Variants in DONSON observed in about 807,000 individuals in gnomAD.
The protein encoded by DONSON is DNA replication fork stabilization factor DONSON.
Under a neutral mutation model 62.1 loss-of-function variants are expected in DONSON, and 43 were observed. That is an observed-to-expected ratio of 0.69 (90% CI 0.54 to 0.89). The LOEUF (loss-of-function observed/expected upper bound fraction) is 0.89, where lower values mean the gene tolerates loss of function less well. Among genes scored for constraint, DONSON ranks in the 40% least tolerant of loss-of-function variants. The pLI, the probability that DONSON is intolerant of heterozygous loss-of-function variation, is 0.00. For synonymous variants in DONSON, 266 were observed against 264.6 expected (o/e 1.01, Z -0.05); for missense variants, 696 against 697.5 (o/e 1.00, Z 0.03).
intron 7 of DONSON, 75 bp downstream of exon 7, chr21:33,581,876 A>C (rs1601313560): frequency 2.3e-6 from 3 of 1,295,430 alleles, no homozygotes; most frequent in Non-Finnish European, 3.3e-6. Flanking sequence ...AATCATATAA[A>C]ACTGCCAATG....
intron 8 of DONSON, among the ~76,000 whole-genome samples, chr21:33,580,512 A>T (rs1270919547): frequency 8.4e-6 from 1 of 119,204 alleles, no homozygotes; most frequent in East Asian, 2.8e-4. Flanking sequence ...AAAGCAGGGC[A>T]TGGCAGTCCT....
rs2145897200 is a variant in DONSON at position 33,578,445 on chromosome 21, C to T, written c.1564-1G>A. 1 of 1,612,860 alleles carries T rather than the reference C, an allele frequency of 6.2e-7. No homozygotes were observed. Among genetic ancestry groups the T allele is most frequent in the Non-Finnish European group, 8.5e-7 (1 of 1,179,384 alleles). On this transcript the variant is annotated splice_acceptor_variant, in intron 9 of 9. Coordinates refer to ENST00000303071, the MANE Select transcript of DONSON (RefSeq NM_017613.4). LOFTEE classifies it high-confidence loss of function. Reference sequence around the variant, plus strand: ...TAGTAAGCTCCTTATGAACAACCTCCTGTGGAAATGTGTGTACAAGTCAGT... The same window carrying T: ...TAGTAAGCTCCTTATGAACAACCTCTTGTGGAAATGTGTGTACAAGTCAGT...
rs2015314 is a variant in DONSON, at chr21:33,588,537, C to T, written c.105G>A (p.Pro35=). 2.4e-6 allele frequency: 3 copies of T among 1,251,808 alleles called. No individual in the cohort carries two copies. Among genetic ancestry groups the T allele is most frequent in the South Asian group, 3.1e-5 (1 of 32,296 alleles). 77.5% of individuals were successfully genotyped at this position (1,251,808 alleles called of 1,614,324 possible). Residue 35 remains proline, a synonymous_variant, in exon 1 of 10, where the codon CCG becomes CCA. Coordinates refer to ENST00000303071, the MANE Select transcript of DONSON (RefSeq NM_017613.4). Reference sequence around the variant, plus strand: ...CCGCCGGCTCCGTCAGCTCACGGGGCGGGGAGGCGGCAGCTCCACGGCTCC... The same window carrying T: ...CCGCCGGCTCCGTCAGCTCACGGGGTGGGGAGGCGGCAGCTCCACGGCTCC... ...RARSRGAAAS[P]PRELTEPAAR... is the part of the protein sequence containing the mutation.
intron 2 of DONSON, 87 bp downstream of exon 2, chr21:33,587,435 A>G: frequency 6.9e-7 from 1 of 1,455,852 alleles, no homozygotes. Flanking sequence ...TCTGAGAAGT[A>G]TAAATGTATT....
At position 33,583,561 on chromosome 21, in the gene DONSON, T is replaced by TCAGCCTATATACCGCCATCTTCAGCAA; in HGVS notation, c.890_891insTTGCTGAAGATGGCGGTATATAGGCTG (p.Leu297delinsPheCysTer). ...GAGCTGTGATTAAGTCACTTCCAGC[T>TCAGCCTATATACCGCCATCTTCAGCAA]AATCCTGCTGCTCGGAACAGGACAG... On this transcript the variant is annotated stop_gained and protein_altering_variant, in exon 5 of 10. Transcript: ENST00000303071. LOFTEE classifies it high-confidence loss of function. 2 of 1,614,080 alleles carry TCAGCCTATATACCGCCATCTTCAGCAA rather than the reference T, an allele frequency of 1.2e-6. No individual in the cohort carries two copies. Among genetic ancestry groups the TCAGCCTATATACCGCCATCTTCAGCAA allele is most frequent in the Non-Finnish European group, 1.7e-6 (2 of 1,179,988 alleles).
At chr21:33,581,216 T>C (rs2086506433) in intron 8 of DONSON, 86 bp downstream of exon 8, 1 of 1,296,872 alleles carries the variant, frequency 7.7e-7, no homozygotes, top group Non-Finnish European at 1.0e-6. Context: ...CAAGTAAAAA[T>C]GCTAGGAGGT....
chr21:33,578,916 C>G (rs71326957), intron 9 of DONSON, among the ~76,000 whole-genome samples: 7,852 of 152,216 alleles, frequency 0.052, 267 homozygotes, highest in Non-Finnish European at 0.075. Flanking sequence ...GTGGGCAGAT[C>G]ACCTGAAGTC....
Position 33,578,194 on chromosome 21 carries a change from G to T in DONSON, c.*113C>A. 1 of 1,197,144 alleles carries T rather than the reference G, an allele frequency of 8.4e-7. No individual in the cohort carries two copies. Among genetic ancestry groups the T allele is most frequent in the Non-Finnish European group, 1.2e-6 (1 of 863,358 alleles). The allele number at this position is 1,197,144 out of a possible 1,614,324, so 74.2% of individuals were successfully genotyped here. A position where few individuals can be genotyped will look rare whatever the true frequency, so the allele number is the denominator to read the frequency against. On this transcript the variant is annotated 3_prime_UTR_variant, in exon 10 of 10. Transcript: ENST00000303071. ...ATTTAAAACCTTAGATGCTACTGTA[G>T]TAAAAGTTATGTTTATAAACATTTC... is the stretch of plus-strand genomic sequence containing the variant.
chr21:33,583,536 G>C lies in DONSON; in HGVS notation c.916C>G (p.Leu306Val), dbSNP rs756425637. Residue 306 changes from leucine to valine, a missense_variant, in exon 5 of 10, where the codon CTC (leucine) becomes GTC (valine). Leu to Val is a conservative substitution (Grantham distance 32). Transcript: ENST00000303071. ...GLAGSDLITA[L>V]ISPTTRGLRE... is the part of the protein sequence containing the mutation. Reference sequence around the variant, plus strand: ...AAACCTCGAGTTGTTGGAGATATGAGAGCTGTGATTAAGTCACTTCCAGCT... The same window carrying C: ...AAACCTCGAGTTGTTGGAGATATGACAGCTGTGATTAAGTCACTTCCAGCT... 2.5e-6 allele frequency: 4 copies of C among 1,613,808 alleles called. No homozygotes were observed. The highest frequency in any genetic ancestry group is 2.5e-6 in the Non-Finnish European group (3 of 1,179,968).
rs1569073070 is a variant in DONSON, at chr21:33,577,668, CA to C, written c.*638del. 86 of 102,200 alleles carry C rather than the reference CA, an allele frequency of 8.4e-4. 2 individuals are homozygous for C. The highest frequency in any genetic ancestry group is 5.7e-3 in the Middle Eastern group (1 of 176). 6.3% of individuals were successfully genotyped at this position (102,200 alleles called of 1,614,324 possible). A position where few individuals can be genotyped will look rare whatever the true frequency, so the allele number is the denominator to read the frequency against. The stretch of plus-strand genomic sequence containing the variant: ...ACACACACACACACACACACACACA[CA>C]CACACACACACACACACACACACAC... On this transcript the variant is annotated 3_prime_UTR_variant, in exon 10 of 10. Transcript: ENST00000303071.
chr21:33,586,272 G>C (rs2086576593), intron 2 of DONSON, 91 bp from the exon 3 acceptor site: 1 of 1,046,310 alleles, frequency 9.6e-7, no homozygotes. Flanking sequence ...TCACTGAAAA[G>C]TAAAAATCAT....
intron 1 of DONSON, among the ~76,000 whole-genome samples, chr21:33,587,941 G>A (rs935463131): frequency 1.3e-5 from 2 of 152,230 alleles, no homozygotes; most frequent in Non-Finnish European, 2.9e-5. Context: ...AATCACGGGG[G>A]AAGCAGGGCT....
intron 1 of DONSON, among the ~76,000 whole-genome samples, chr21:33,587,849 C>G (rs527652312): frequency 6.6e-6 from 1 of 152,290 alleles, no homozygotes; most frequent in South Asian, 2.1e-4. Flanking sequence ...AAGACAGATG[C>G]TAGTGAATTC....
In DONSON at chr21:33,577,642, CA is replaced by C. The variant is rs2086438292; in HGVS notation, c.*664del. The stretch of plus-strand genomic sequence containing the variant: ...ACACACACACACACACACACACACA[CA>C]CACACACACACACACACACACACAC... On this transcript the variant is annotated 3_prime_UTR_variant, in exon 10 of 10. Transcript: ENST00000303071. 3.1e-5 allele frequency: 2 copies of C among 65,562 alleles called. No homozygotes were observed. The highest frequency in any genetic ancestry group is 1.3e-4 in the Admixed American group (1 of 7,840). 4.1% of individuals were successfully genotyped at this position (65,562 alleles called of 1,614,324 possible). A position where few individuals can be genotyped will look rare whatever the true frequency, so the allele number is the denominator to read the frequency against.
chr21:33,581,416 G>A lies in DONSON; in HGVS notation c.1236C>T (p.Leu412=). 3 of 1,614,082 alleles carry A rather than the reference G, an allele frequency of 1.9e-6. No homozygotes were observed. Among genetic ancestry groups the A allele is most frequent in the Middle Eastern group, 3.3e-4 (2 of 6,054 alleles). ...LVKGINTFTL[L]NFLINSKSLV... ...AACTCTTAGAGTTAATCAAAAAATT[G>A]AGCAATGTAAAGGTGTTGATTCCTT... is the stretch of plus-strand genomic sequence containing the variant. Residue 412 remains leucine, a synonymous_variant, in exon 8 of 10, where the codon CTC becomes CTT. Coordinates refer to ENST00000303071, the MANE Select transcript of DONSON (RefSeq NM_017613.4).
At chr21:33,582,305 G>C in intron 5 of DONSON, 59 bp from the exon 6 acceptor site, 1 of 1,360,844 alleles carries the variant, frequency 7.3e-7, no homozygotes. Context: ...CAGGCATGCT[G>C]TACTTTTAGA....
intron 9 of DONSON, 59 bp from the exon 10 acceptor site, chr21:33,578,503 T>G: frequency 6.6e-7 from 1 of 1,508,520 alleles, no homozygotes; most frequent in Non-Finnish European, 9.0e-7. Context: ...CACAGAAGAG[T>G]TAAATAATTA....
rs1365976714 is a variant in DONSON at position 33,582,151 on chromosome 21, T to C, written c.1046+14A>G. On this transcript the variant is annotated intron_variant, in intron 6 of 9. Coordinates refer to ENST00000303071, the MANE Select transcript of DONSON (RefSeq NM_017613.4). ...TAAGTCAGTGGATGATATAAAGTTA[T>C]TTTAATCACATACTCCCCATATCCC... The C allele has an allele frequency of 6.2e-7, 1 of 1,613,506 alleles. No individual in the cohort carries two copies. The highest frequency in any genetic ancestry group is 8.5e-7 in the Non-Finnish European group (1 of 1,179,494).
intron 2 of DONSON, among the ~76,000 whole-genome samples, chr21:33,586,900 A>G (rs989212853): frequency 6.6e-6 from 1 of 152,124 alleles, no homozygotes; most frequent in African/African-American, 2.4e-5. Flanking sequence ...TCAGCCTCTC[A>G]AAGTGTTGGG....
Sources: allele counts gnomAD v4.1 joint callset (sites outside exome capture counted in the v4.1 genomes callset), GRCh38; gene constraint gnomAD v4.1.1; transcripts MANE v1.5; gene names NCBI Gene and HGNC (gene_info 2026-07-23, HGNC 2026-07-21).